Variants in COG5 observed in about 807,000 individuals in gnomAD.
COG5 encodes component of oligomeric golgi complex 5.
COG5 carries 86 observed loss-of-function variants against 110.4 expected under a neutral mutation model. The observed-to-expected ratio is 0.78, with a 90% confidence interval of 0.65 to 0.93. The LOEUF is 0.93. COG5 is among the 40% of genes least tolerant of loss of function. COG5 has a pLI of 0.00. For missense variants in COG5, 1,077 were observed against 987.0 expected, an observed-to-expected ratio of 1.09 and a Z score of -1.22; for synonymous variants, 360 against 334.6, an observed-to-expected ratio of 1.08 and a Z score of -0.83.
chr7:107,283,790 G>A (rs1390887861), intron 12 of COG5, 58 bp from the exon 13 acceptor site: 1 of 1,244,534 alleles, frequency 8.0e-7, no homozygotes, highest in Non-Finnish European at 1.2e-6. Context: ...AAATGCTATT[G>A]TATCAGGCTG....
intron 16 of COG5, 42 bp downstream of exon 16, chr7:107,256,690 A>C: frequency 9.2e-5 from 130 of 1,407,760 alleles, no homozygotes; most frequent in Non-Finnish European, 1.2e-4. Flanking sequence ...AATAATCCTA[A>C]AACCACTTTG....
chr7:107,347,887 G>C (rs143219043), intron 10 of COG5, among the ~76,000 whole-genome samples: 1 of 152,104 alleles, frequency 6.6e-6, no homozygotes, highest in Non-Finnish European at 1.5e-5. Context: ...AGGACTTTGG[G>C]AGGCTGAGGC....
intron 10 of COG5, among the ~76,000 whole-genome samples, chr7:107,334,103 A>G (rs187740600): frequency 2.6e-5 from 4 of 152,288 alleles, no homozygotes; most frequent in Admixed American, 2.6e-4. Context: ...TCAAAGAGGT[A>G]TCTTCATTCT....
chr7:107,258,828 AAGAG>A, intron 14 of COG5, among the ~76,000 whole-genome samples: 1 of 152,090 alleles, frequency 6.6e-6, no homozygotes, highest in Non-Finnish European at 1.5e-5. Context: ...GAAAGGAGAG[AAGAG>A]AGAGACGGGA....
At chr7:107,242,339 T>C (rs1801709268) in intron 17 of COG5, among the ~76,000 whole-genome samples, 1 of 152,154 alleles carries the variant, frequency 6.6e-6, no homozygotes, top group African/African-American at 2.4e-5. Context: ...TCACTGGTGG[T>C]AACTCCAAGC....
At chr7:107,313,005 GAGT>G (rs1808419038) in intron 11 of COG5, among the ~76,000 whole-genome samples, 1 of 152,130 alleles carries the variant, frequency 6.6e-6, no homozygotes, top group Admixed American at 6.5e-5. Context: ...TCAAAAAGTG[GAGT>G]AGAAGTTTCT....
chr7:107,379,294 C>G (rs953384761), intron 7 of COG5, among the ~76,000 whole-genome samples: 1 of 152,158 alleles, frequency 6.6e-6, no homozygotes, highest in African/African-American at 2.4e-5. Flanking sequence ...AAAGGAAAAA[C>G]CAGTACCAGC....
chr7:107,342,569 T>G (rs577952880), intron 10 of COG5, among the ~76,000 whole-genome samples: 105 of 152,100 alleles, frequency 6.9e-4, no homozygotes, highest in Middle Eastern at 3.4e-3. Context: ...TCTCAGCTAC[T>G]TGGGAAGCTG....
At position 107,280,018 on chromosome 7, in the gene COG5, T is replaced by C. The variant is rs559589828; in HGVS notation, c.1575+1282A>G. 5.3e-5 allele frequency among the ~76,000 whole-genome samples: 8 copies of C among 152,224 alleles called. No individual in the cohort carries two copies. The East Asian group carries it at 1.2e-3, about 22-fold the overall frequency. Reference sequence around the variant, plus strand: ...ATTTTCTATATACATGCTGGATCTTTCTTACAGTGTTATCTTCAGATCTTA... The same window carrying C: ...ATTTTCTATATACATGCTGGATCTTCCTTACAGTGTTATCTTCAGATCTTA... On this transcript the variant is annotated intron_variant, in intron 14 of 21. Coordinates refer to ENST00000297135, the MANE Select transcript of COG5 (RefSeq NM_006348.5).
At chr7:107,522,636 A>G (rs1800420941) in intron 6 of COG5, among the ~76,000 whole-genome samples, 2 of 152,152 alleles carry the variant, frequency 1.3e-5, no homozygotes, top group African/African-American at 4.8e-5. Context: ...AATAAAAATA[A>G]AAATAAAAAA....
At chr7:107,497,887 T>C (rs1012577549) in intron 6 of COG5, among the ~76,000 whole-genome samples, 1 of 152,142 alleles carries the variant, frequency 6.6e-6, no homozygotes, top group Non-Finnish European at 1.5e-5. Context: ...TCTTTATATA[T>C]ACATACACAA....
chr7:107,506,778 G>A (rs1386452135), intron 6 of COG5, among the ~76,000 whole-genome samples: 1 of 152,026 alleles, frequency 6.6e-6, no homozygotes, highest in Non-Finnish European at 1.5e-5. Context: ...CACAGCTGGG[G>A]CACCCAGCTC....
intron 6 of COG5, among the ~76,000 whole-genome samples, chr7:107,440,213 T>A (rs1794624898): frequency 6.6e-6 from 1 of 152,176 alleles, no homozygotes; most frequent in African/African-American, 2.4e-5. Context: ...GTTGTATCGC[T>A]AGTGCTTAGA....
At position 107,384,911 on chromosome 7, in the gene COG5, G is replaced by T. The variant is rs117460416; in HGVS notation, c.670-12151C>A. The stretch of plus-strand genomic sequence containing the variant: ...GTTATGGTAGTCAGAGCTAATATAC[G>T]TCTTTATATGCTTAACAGATGAATT... On this transcript the variant is annotated intron_variant, in intron 7 of 21. Transcript: ENST00000297135. Among the ~76,000 whole-genome samples, 1,069 of 152,252 alleles carry T rather than the reference G, an allele frequency of 7.0e-3. 9 individuals carry two copies. Among genetic ancestry groups the T allele is most frequent in the Middle Eastern group, 0.014 (4 of 294 alleles).
intron 16 of COG5, chr7:107,252,903 G>A (rs1051670567): frequency 2.6e-5 from 4 of 152,118 alleles, no homozygotes; most frequent in African/African-American, 9.7e-5. Flanking sequence ...AAGGGAACTT[G>A]TTTAGTCTGA....
At chr7:107,414,227 G>T (rs1792528396) in intron 6 of COG5, among the ~76,000 whole-genome samples, 1 of 152,116 alleles carries the variant, frequency 6.6e-6, no homozygotes, top group African/African-American at 2.4e-5. Context: ...AAATATGGCA[G>T]CATTACTCAC....
At chr7:107,392,128 C>T (rs1418731571) in intron 7 of COG5, among the ~76,000 whole-genome samples, 2 of 152,144 alleles carry the variant, frequency 1.3e-5, no homozygotes, top group Admixed American at 6.5e-5. Flanking sequence ...AGCAATACCA[C>T]GTTGATCACT....
At chr7:107,318,248 A>G (rs1479835206) in intron 11 of COG5, among the ~76,000 whole-genome samples, 1 of 152,054 alleles carries the variant, frequency 6.6e-6, no homozygotes, top group African/African-American at 2.4e-5. Context: ...GGATGGTCTC[A>G]ATCTCCTGAC....
intron 7 of COG5, among the ~76,000 whole-genome samples, chr7:107,411,966 C>T (rs1792333913): frequency 6.6e-6 from 1 of 151,972 alleles, no homozygotes; most frequent in Admixed American, 6.6e-5. Context: ...AATTAAGCAT[C>T]AGGAAAATGA....
Sources: allele counts gnomAD v4.1 joint callset (sites outside exome capture counted in the v4.1 genomes callset), GRCh38; gene constraint gnomAD v4.1.1; transcripts MANE v1.5; gene names NCBI Gene and HGNC (gene_info 2026-07-23, HGNC 2026-07-21).